DBNL: variants seen among roughly 807,000 people sequenced by gnomAD.
DBNL encodes the protein drebrin like.
DBNL carries 35 observed loss-of-function variants against 62.2 expected under a neutral mutation model. The observed-to-expected ratio is 0.56, with a 90% confidence interval of 0.43 to 0.75. DBNL has a LOEUF of 0.75. Among genes scored for constraint, DBNL ranks in the 30% least tolerant of loss-of-function variants. The pLI is 0.00. For synonymous variants in DBNL, 197 were observed against 218.0 expected (o/e 0.90, Z 0.85); for missense variants, 495 against 578.4 (o/e 0.86, Z 1.48).
Position 44,065,552 on chromosome 7 carries a change from G to A in DBNL, c.*4636G>A. On this transcript the variant is annotated 3_prime_UTR_variant, in exon 13 of 13. Transcript: ENST00000448521. ...CATGGTGGCAGCAGGGACCACAGAG[G>A]ACTCTGGACGGGGACGGCTGCTTCC... The A allele has an allele frequency of 1.2e-6, 2 of 1,611,320 alleles. No individual in the cohort carries two copies. Among genetic ancestry groups the A allele is most frequent in the South Asian group, 1.1e-5 (1 of 91,020 alleles).
In DBNL at chr7:44,060,255, AAGAGAAGACAGGAG is replaced by A; in HGVS notation, c.1153+103_1153+116del. On this transcript the variant is annotated intron_variant, in intron 12 of 12. Coordinates refer to ENST00000448521, the MANE Select transcript of DBNL (RefSeq NM_001014436.3). This position sits in a 1 kb window ranked among gnomAD's most constrained non-coding sequence, Gnocchi z 6.3. ...GAAGATGGCACCAGGGGGTATCAGGAAGAGAAGACAGGAGGGTGGGCGGTGCGTTTAGGGGTAGA... is the reference window on the plus strand; with the variant it reads ...GAAGATGGCACCAGGGGGTATCAGGAGGTGGGCGGTGCGTTTAGGGGTAGA... The A allele has an allele frequency of 9.2e-7, 1 of 1,087,320 alleles. No homozygotes were observed. Among genetic ancestry groups the A allele is most frequent in the South Asian group, 1.4e-5 (1 of 69,096 alleles). 67.4% of individuals were successfully genotyped at this position (1,087,320 alleles called of 1,614,324 possible).
At position 44,060,222 on chromosome 7, in the gene DBNL, T is replaced by C; in HGVS notation, c.1153+69T>C. On this transcript the variant is annotated intron_variant, in intron 12 of 12. Transcript: ENST00000448521. The surrounding 1 kb of genome is among the most constrained non-coding windows in gnomAD (Gnocchi z 6.3). ...GGTTAGGAGACAAGAGGGTCTGGGGTTTTATGGGAAGATGGCACCAGGGGG... is the reference window on the plus strand; with the variant it reads ...GGTTAGGAGACAAGAGGGTCTGGGGCTTTATGGGAAGATGGCACCAGGGGG... 1.4e-6 allele frequency: 2 copies of C among 1,424,214 alleles called. No individual in the cohort carries two copies. Among genetic ancestry groups the C allele is most frequent in the Non-Finnish European group, 9.7e-7 (1 of 1,029,390 alleles). The allele number at this position is 1,424,214 out of a possible 1,614,324, so 88.2% of individuals were successfully genotyped here. A position where few individuals can be genotyped will look rare whatever the true frequency, so the allele number is the denominator to read the frequency against.
chr7:44,059,251 C>G lies in DBNL; in HGVS notation c.836-103C>G, dbSNP rs1319981889. On this transcript the variant is annotated intron_variant, in intron 9 of 12. Coordinates refer to ENST00000448521, the MANE Select transcript of DBNL (RefSeq NM_001014436.3). This position sits in a 1 kb window ranked among gnomAD's most constrained non-coding sequence, Gnocchi z 4.1. The stretch of plus-strand genomic sequence containing the variant: ...TGTTCCTGCACTAGCAAGAGCAAGC[C>G]CCATGAGACTGCCTCGAGCACACCA... The G allele has an allele frequency of 8.2e-7, 1 of 1,212,132 alleles. No individual in the cohort carries two copies. Among genetic ancestry groups the G allele is most frequent in the African/African-American group, 1.5e-5 (1 of 66,328 alleles). 75.1% of individuals were successfully genotyped at this position (1,212,132 alleles called of 1,614,324 possible).
At position 44,059,395 on chromosome 7, in the gene DBNL, C is replaced by T. The variant is rs1393645018; in HGVS notation, c.877C>T (p.Pro293Ser). The change falls in exon 10 of 13, where the codon CCA becomes TCA. Residue 293 changes from proline to serine, a missense_variant. By Grantham distance (74) the Pro-to-Ser change is moderately conservative (BLOSUM62 -1). Transcript: ENST00000448521. This position sits in a 1 kb window ranked among gnomAD's most constrained non-coding sequence, Gnocchi z 4.1. ...SPFLQKQLTQ[P>S]ETHFGREPAA... ...CTTCCTGCAGAAGCAGCTCACCCAA[C>T]CAGAGACCCACTTTGGCAGAGAGCC... 6 of 1,613,994 alleles carry T rather than the reference C, an allele frequency of 3.7e-6. No homozygotes were observed. The African/African-American group carries it at 5.3e-5, about 14-fold the overall frequency.
chr7:44,051,277 G>T, intron 2 of DBNL: 1 of 154,366 alleles, frequency 6.5e-6, no homozygotes, highest in Non-Finnish European at 1.4e-5. Flanking sequence ...CCACTCCTGT[G>T]CTCCCCCTGT....
intron 1 of DBNL, among the ~76,000 whole-genome samples, chr7:44,045,969 C>T (rs192865270): frequency 8.5e-4 from 130 of 152,330 alleles, no homozygotes; most frequent in African/African-American, 2.8e-3. Context: ...AAGGATATCT[C>T]GTCATTTCCT....
Position 44,065,414 on chromosome 7 carries a change from T to C in DBNL, c.*4498T>C. The C allele has an allele frequency of 6.2e-7, 1 of 1,614,160 alleles. No homozygotes were observed. The highest frequency in any genetic ancestry group is 8.5e-7 in the Non-Finnish European group (1 of 1,180,042). Reference sequence around the variant, plus strand: ...ATCCTTGATGGCCTTGGCTCCCCGCTTGGCCTCCTCGGTCCCCTTTTCACT... The same window carrying C: ...ATCCTTGATGGCCTTGGCTCCCCGCCTGGCCTCCTCGGTCCCCTTTTCACT... On this transcript the variant is annotated 3_prime_UTR_variant, in exon 13 of 13. Coordinates refer to ENST00000448521, the MANE Select transcript of DBNL (RefSeq NM_001014436.3).
Position 44,065,200 on chromosome 7 carries a change from C to T in DBNL, c.*4284C>T, listed in dbSNP as rs749441367. The T allele has an allele frequency of 5.9e-5, 96 of 1,614,000 alleles. No individual in the cohort carries two copies. The highest frequency in any genetic ancestry group is 7.8e-5 in the Non-Finnish European group (92 of 1,180,064). On this transcript the variant is annotated 3_prime_UTR_variant, in exon 13 of 13. Transcript: ENST00000448521. ...AGGAGCGCCTCCAGATCTTCACCTG[C>T]TCCTCCCCGTGCTTGGCGGCCGTTT...
In DBNL at chr7:44,060,229, G is replaced by T; in HGVS notation, c.1153+76G>T. ...AGACAAGAGGGTCTGGGGTTTTATG[G>T]GAAGATGGCACCAGGGGGTATCAGG... is the stretch of plus-strand genomic sequence containing the variant. On this transcript the variant is annotated intron_variant, in intron 12 of 12. Transcript: ENST00000448521. The surrounding 1 kb of genome is among the most constrained non-coding windows in gnomAD (Gnocchi z 6.3). 1 of 1,349,838 alleles carries T rather than the reference G, an allele frequency of 7.4e-7. No homozygotes were observed. The highest frequency in any genetic ancestry group is 1.0e-6 in the Non-Finnish European group (1 of 965,112). The allele number at this position is 1,349,838 out of a possible 1,614,324, so 83.6% of individuals were successfully genotyped here.
Position 44,065,621 on chromosome 7 carries a change from A to C in DBNL, c.*4705A>C. On this transcript the variant is annotated 3_prime_UTR_variant, in exon 13 of 13. Transcript: ENST00000448521. ...AATAGTGTCTTCCCAGCCCCCACCC[A>C]CCCCAGCCAACTGCCAATCAGCATT... 6 of 1,223,994 alleles carry C rather than the reference A, an allele frequency of 4.9e-6. No homozygotes were observed. Among genetic ancestry groups the C allele is most frequent in the South Asian group, 1.2e-5 (1 of 80,784 alleles). The allele number at this position is 1,223,994 out of a possible 1,614,324, so 75.8% of individuals were successfully genotyped here. A position where few individuals can be genotyped will look rare whatever the true frequency, so the allele number is the denominator to read the frequency against.
Position 44,053,676 on chromosome 7 carries a change from A to AT in DBNL, c.327+753dup, listed in dbSNP as rs1249202688. 4.1e-3 allele frequency among the ~76,000 whole-genome samples: 573 copies of AT among 140,920 alleles called. 1 individual carries two copies. The highest frequency in any genetic ancestry group is 0.011 in the Middle Eastern group (3 of 278). The allele number at this position is 140,920 out of a possible 152,430, so 92.4% of individuals were successfully genotyped here. ...AAATCCGAAATTCTCCAGAATCTGA[A>AT]TTTTTTTTTTTTTTTTTTGAGACTG... On this transcript the variant is annotated intron_variant, in intron 4 of 12. Transcript: ENST00000448521.
In DBNL at chr7:44,064,554, G is replaced by A. The variant is rs576441422; in HGVS notation, c.*3638G>A. 3 of 503,246 alleles carry A rather than the reference G, an allele frequency of 6.0e-6. No homozygotes were observed. Among genetic ancestry groups the A allele is most frequent in the African/African-American group, 5.8e-5 (3 of 51,744 alleles). 31.2% of individuals were successfully genotyped at this position (503,246 alleles called of 1,614,324 possible). Reference sequence around the variant, plus strand: ...GCCCAGCCCTTCCGTTTCCTAGCTGGGTGTCCCTTGGCAGATGCCACCTTT... The same window carrying A: ...GCCCAGCCCTTCCGTTTCCTAGCTGAGTGTCCCTTGGCAGATGCCACCTTT... On this transcript the variant is annotated 3_prime_UTR_variant, in exon 13 of 13. Coordinates refer to ENST00000448521, the MANE Select transcript of DBNL (RefSeq NM_001014436.3).
rs2096151886 is a variant in DBNL at position 44,062,871 on chromosome 7, C to A, written c.*1955C>A. On this transcript the variant is annotated 3_prime_UTR_variant, in exon 13 of 13. Transcript: ENST00000448521. ...GTGGGCTTCAGCTCCTTGTTCAGCT[C>A]ATACACAATGGGGATCCCCGTGGGC... is the stretch of plus-strand genomic sequence containing the variant. The A allele has an allele frequency of 1.2e-6, 2 of 1,614,120 alleles. No individual in the cohort carries two copies. The highest frequency in any genetic ancestry group is 1.3e-5 in the African/African-American group (1 of 74,944).
intron 4 of DBNL, among the ~76,000 whole-genome samples, chr7:44,055,486 A>T (rs1037964162): frequency 3.9e-5 from 6 of 152,186 alleles, no homozygotes; most frequent in Admixed American, 6.5e-5. Flanking sequence ...CCAAAAAACC[A>T]TACTGTTTTT....
intron 1 of DBNL, among the ~76,000 whole-genome samples, chr7:44,046,802 G>C (rs1162889421): frequency 6.6e-6 from 1 of 152,168 alleles, no homozygotes. Context: ...CTCTACAGTG[G>C]CTTCCTGTTG....
intron 2 of DBNL, 194 bp from the exon 3 acceptor site, chr7:44,051,636 C>G (rs920545400): frequency 2.0e-5 from 11 of 549,646 alleles, no homozygotes; most frequent in African/African-American, 1.3e-4. Flanking sequence ...CTAGGTCCCA[C>G]CCAGCTCTCA....
At position 44,056,821 on chromosome 7, in the gene DBNL, A is replaced by T; in HGVS notation, c.392A>T (p.Lys131Met). The part of the protein sequence containing the change: ...EDVEPECIME[K>M]VAKASGANYS... ...GTGGAGCCTGAGTGCATCATGGAGA[A>T]GGTGGCCAAGGCTTCAGGTGCCAAC... Residue 131 changes from lysine (K) to methionine (M), a missense_variant, in exon 5 of 13, where the codon AAG becomes ATG. Lys to Met is a moderately conservative substitution (Grantham distance 95). Transcript: ENST00000448521. The T allele has an allele frequency of 6.2e-7, 1 of 1,614,076 alleles. No individual in the cohort carries two copies. Among genetic ancestry groups the T allele is most frequent in the South Asian group, 1.1e-5 (1 of 91,090 alleles).
chr7:44,053,708 G>A (rs1212634560), intron 4 of DBNL, among the ~76,000 whole-genome samples: 1 of 145,256 alleles, frequency 6.9e-6, no homozygotes, highest in Admixed American at 7.0e-5. Flanking sequence ...ACTGAGTCTC[G>A]CTCCGTTGCC....
In DBNL at chr7:44,059,955, C is replaced by T. The variant is rs561746565; in HGVS notation, c.1048-93C>T. 1.4e-4 allele frequency: 176 copies of T among 1,294,890 alleles called. No homozygotes were observed. The highest frequency in any genetic ancestry group is 1.3e-3 in the African/African-American group (90 of 68,200). 80.2% of individuals were successfully genotyped at this position (1,294,890 alleles called of 1,614,324 possible). ...GAGCCTGTAGACTGCTTGCCCTCTG[C>T]GTACTCCCAGCTTGACCTGAGCCAT... On this transcript the variant is annotated intron_variant, in intron 11 of 12. Coordinates refer to ENST00000448521, the MANE Select transcript of DBNL (RefSeq NM_001014436.3). This position sits in a 1 kb window ranked among gnomAD's most constrained non-coding sequence, Gnocchi z 4.1.
Sources: allele counts gnomAD v4.1 joint callset (sites outside exome capture counted in the v4.1 genomes callset), GRCh38; gene constraint gnomAD v4.1.1; non-coding constraint Gnocchi (gnomAD v3.1); transcripts MANE v1.5; gene names NCBI Gene and HGNC (gene_info 2026-07-23, HGNC 2026-07-21).